The following SLC41A3 variants were observed in gnomAD, a reference collection of about 807,000 sequenced individuals.
SLC41A3 encodes the protein solute carrier family 41 member 3, also known as SLC41A1-like 2.
In SLC41A3, 44 loss-of-function variants were observed where a neutral mutation model predicts 45.4. The ratio of observed to expected loss-of-function variants is 0.97; its 90% CI spans 0.76 to 1.25. SLC41A3 has a LOEUF of 1.25. Ranked by LOEUF, SLC41A3 falls within the 50% of genes most tolerant of loss-of-function variation. The pLI is 0.00. For missense variants in SLC41A3, 550 were observed against 600.6 expected, an observed-to-expected ratio of 0.92 and a Z score of 0.88; for synonymous variants, 256 against 252.4, an observed-to-expected ratio of 1.01 and a Z score of -0.13.
chr3:126,013,714 A>T (rs1453300443), intron 8 of SLC41A3, among the ~76,000 whole-genome samples: 1 of 152,178 alleles, frequency 6.6e-6, no homozygotes, highest in Non-Finnish European at 1.5e-5. Context: ...TGTCTGCTGC[A>T]TGATTTCAAT....
intron 2 of SLC41A3, among the ~76,000 whole-genome samples, chr3:126,061,835 G>A (rs1045607954): frequency 6.6e-6 from 1 of 152,032 alleles, no homozygotes; most frequent in Admixed American, 6.6e-5. Context: ...TTGCTGGCTT[G>A]AACCTCTGCT....
chr3:126,029,706 A>C (rs1941654635), intron 4 of SLC41A3, among the ~76,000 whole-genome samples: 1 of 152,206 alleles, frequency 6.6e-6, no homozygotes, highest in African/African-American at 2.4e-5. Context: ...TAAATTTCAC[A>C]AAAATGAGTA....
intron 1 of SLC41A3, among the ~76,000 whole-genome samples, chr3:126,071,574 C>T (rs1001134373): frequency 2.0e-5 from 3 of 152,102 alleles, no homozygotes; most frequent in Non-Finnish European, 2.9e-5. Flanking sequence ...AAACACTCCG[C>T]GCAACAATAG....
At chr3:126,022,490 T>C (rs7645814) in intron 6 of SLC41A3, among the ~76,000 whole-genome samples, 43,475 of 152,138 alleles carry the variant, frequency 0.29, 6,362 homozygotes, top group African/African-American at 0.33. Flanking sequence ...CACCACATGG[T>C]GACAGAACCC....
intron 8 of SLC41A3, among the ~76,000 whole-genome samples, chr3:126,014,659 C>T (rs940734837): frequency 1.3e-5 from 2 of 152,230 alleles, no homozygotes; most frequent in African/African-American, 2.4e-5. Flanking sequence ...AAGACATGGT[C>T]CCCTAAGGGA....
chr3:126,067,195 C>T (rs1453424736), intron 2 of SLC41A3, among the ~76,000 whole-genome samples: 2 of 150,044 alleles, frequency 1.3e-5, no homozygotes, highest in Non-Finnish European at 3.0e-5. Context: ...CAATTCTACT[C>T]GCAACAAGTT....
chr3:126,007,801 A>G (rs1428191336), intron 10 of SLC41A3, among the ~76,000 whole-genome samples: 2 of 152,028 alleles, frequency 1.3e-5, no homozygotes, highest in Non-Finnish European at 2.9e-5. Flanking sequence ...AATGCCATAA[A>G]CTCTGGGAGA....
intron 6 of SLC41A3, among the ~76,000 whole-genome samples, chr3:126,022,175 C>T (rs1478107322): frequency 3.9e-5 from 6 of 152,218 alleles, no homozygotes; most frequent in African/African-American, 9.7e-5. Flanking sequence ...ATCTTTCCTT[C>T]CAGAAGACAA....
chr3:126,018,047 C>T (rs1367141580), intron 6 of SLC41A3, among the ~76,000 whole-genome samples: 1 of 152,200 alleles, frequency 6.6e-6, no homozygotes, highest in Non-Finnish European at 1.5e-5. Context: ...CCCCAGCACA[C>T]CTCCCCAATA....
At chr3:126,048,057 A>T (rs977824933) in intron 3 of SLC41A3, among the ~76,000 whole-genome samples, 5 of 152,228 alleles carry the variant, frequency 3.3e-5, no homozygotes, top group African/African-American at 1.2e-4. Flanking sequence ...TAATTAAAAA[A>T]TGGGCAAAGG....
intron 3 of SLC41A3, among the ~76,000 whole-genome samples, chr3:126,038,240 C>T (rs1424616228): frequency 6.6e-6 from 1 of 152,254 alleles, no homozygotes; most frequent in African/African-American, 2.4e-5. Flanking sequence ...AGAGGCCACA[C>T]AAAGCCCCCA....
At chr3:126,044,691 C>A (rs887640173) in intron 3 of SLC41A3, among the ~76,000 whole-genome samples, 4 of 151,598 alleles carry the variant, frequency 2.6e-5, no homozygotes, top group Non-Finnish European at 5.9e-5. Flanking sequence ...GTCAGGAGAT[C>A]GAGACCATCC....
rs6800461 is a variant in SLC41A3 at position 126,011,420 on chromosome 3, T to C, written c.1105+1195A>G. On this transcript the variant is annotated intron_variant, in intron 9 of 10. Coordinates refer to ENST00000360370, the MANE Select transcript of SLC41A3 (RefSeq NM_017836.4). Reference sequence around the variant, plus strand: ...GAGCCAATCTAAACAAGGAGAGTAATAGACTTTGCAAAAACCAAACAGAGT... The same window carrying C: ...GAGCCAATCTAAACAAGGAGAGTAACAGACTTTGCAAAAACCAAACAGAGT... Among the ~76,000 whole-genome samples the C allele has an allele frequency of 7.7e-3, 1,169 of 152,252 alleles. 17 individuals are homozygous for C. Among genetic ancestry groups the C allele is most frequent in the African/African-American group, 0.027 (1,115 of 41,542 alleles).
At chr3:126,077,248 T>C (rs903590153) in intron 1 of SLC41A3, among the ~76,000 whole-genome samples, 2 of 151,980 alleles carry the variant, frequency 1.3e-5, no homozygotes, top group Non-Finnish European at 2.9e-5. Context: ...GGTGTGGTGA[T>C]GCACACCTGT....
Position 126,067,929 on chromosome 3 carries a change from C to A in SLC41A3, c.273+18G>T. 6.4e-7 allele frequency: 1 copy of A among 1,568,396 alleles called. No homozygotes were observed. Among genetic ancestry groups the A allele is most frequent in the Non-Finnish European group, 8.6e-7 (1 of 1,157,378 alleles). On this transcript the variant is annotated intron_variant, in intron 2 of 10. Transcript: ENST00000360370. ...TCGGCAGTGCCCCGCTCCCTGTCCC[C>A]ATTTAGTTCCCTCTTACCTGGAAAT...
At chr3:126,008,527 G>GAT (rs1212822776) in intron 10 of SLC41A3, among the ~76,000 whole-genome samples, 1 of 151,998 alleles carries the variant, frequency 6.6e-6, no homozygotes, top group African/African-American at 2.4e-5. Context: ...TGTGTGGTGT[G>GAT]GAGTGTGTGG....
chr3:126,049,169 C>T (rs146386094), intron 3 of SLC41A3, among the ~76,000 whole-genome samples: 49 of 152,190 alleles, frequency 3.2e-4, no homozygotes, highest in African/African-American at 1.1e-3. Flanking sequence ...CACTGAGATA[C>T]GATCGTTGTA....
chr3:126,061,256 G>C (rs1260258827), intron 2 of SLC41A3, among the ~76,000 whole-genome samples: 11 of 152,260 alleles, frequency 7.2e-5, no homozygotes, highest in African/African-American at 2.6e-4. Flanking sequence ...TTAAATAACT[G>C]TTAAGGTTCT....
intron 1 of SLC41A3, among the ~76,000 whole-genome samples, chr3:126,096,381 G>C (rs1049467963): frequency 3.3e-5 from 5 of 151,694 alleles, no homozygotes; most frequent in African/African-American, 1.2e-4. Flanking sequence ...GTTGGGAACA[G>C]CCCCCCCACC....
Sources: allele counts gnomAD v4.1 joint callset (sites outside exome capture counted in the v4.1 genomes callset), GRCh38; gene constraint gnomAD v4.1.1; transcripts MANE v1.5; gene names NCBI Gene and HGNC (gene_info 2026-07-23, HGNC 2026-07-21).